Variants in OR2C1 observed in about 807,000 individuals in gnomAD.
OR2C1 encodes the protein olfactory receptor family 2 subfamily C member 1.
For synonymous variants in OR2C1, 209 were observed against 167.3 expected (o/e 1.25, Z -1.92); for missense variants, 468 against 388.3 (o/e 1.21, Z -1.73).
At chr16:3,335,346 C>G in the OR2C1 span, among the ~76,000 whole-genome samples, 4 of 151,930 alleles carry the variant, frequency 2.6e-5, no homozygotes, top group Non-Finnish European at 5.9e-5. Context: ...TGTGTATGCT[C>G]TTCAGTGTCT....
chr16:3,331,328 T>G, the OR2C1 span, among the ~76,000 whole-genome samples: 1 of 151,746 alleles, frequency 6.6e-6, no homozygotes, highest in African/African-American at 2.4e-5. Context: ...TTTCTCCCAT[T>G]TTGTAGGTTG....
chr16:3,338,239 G>C, the OR2C1 span, among the ~76,000 whole-genome samples: 32 of 152,198 alleles, frequency 2.1e-4, no homozygotes, highest in Admixed American at 1.8e-3. Flanking sequence ...GGGAATGGTA[G>C]TTCCACTTAC....
the OR2C1 span, among the ~76,000 whole-genome samples, chr16:3,344,520 G>A: frequency 2.0e-5 from 3 of 152,196 alleles, no homozygotes; most frequent in Non-Finnish European, 4.4e-5. Flanking sequence ...GAGGTCAGGA[G>A]ATCGAGACCA....
chr16:3,338,572 C>G, the OR2C1 span, among the ~76,000 whole-genome samples: 1 of 110,294 alleles, frequency 9.1e-6, no homozygotes, highest in Non-Finnish European at 1.7e-5. Context: ...GAGTCTTGCT[C>G]TGTCGCCCCG....
chr16:3,330,529 A>T, the OR2C1 span, among the ~76,000 whole-genome samples: 1 of 152,206 alleles, frequency 6.6e-6, no homozygotes, highest in Non-Finnish European at 1.5e-5. Context: ...ACCCGCATAG[A>T]TAAAGCCAAA....
At chr16:3,348,435 G>C in the OR2C1 span, among the ~76,000 whole-genome samples, 10 of 152,158 alleles carry the variant, frequency 6.6e-5, no homozygotes, top group Non-Finnish European at 1.3e-4. Flanking sequence ...TTTGCCCTTG[G>C]AGAAATTACT....
At chr16:3,325,399 A>T in the OR2C1 span, among the ~76,000 whole-genome samples, 1 of 149,336 alleles carries the variant, frequency 6.7e-6, no homozygotes, top group African/African-American at 2.5e-5. Context: ...GATTACAAGT[A>T]TGAGCCATCA....
chr16:3,352,315 C>T (rs529221915), upstream of OR2C1, among the ~76,000 whole-genome samples: 1 of 152,206 alleles, frequency 6.6e-6, no homozygotes, highest in African/African-American at 2.4e-5. Flanking sequence ...CGGGGTTTCA[C>T]TTTGTTCGCC....
the OR2C1 span, among the ~76,000 whole-genome samples, chr16:3,339,601 C>T: frequency 1.9e-4 from 29 of 152,144 alleles, no homozygotes; most frequent in Non-Finnish European, 3.2e-4. Flanking sequence ...GGACTACAGA[C>T]GCCCACCACT....
In OR2C1 at chr16:3,356,665, T is replaced by C. The variant is rs770736527; in HGVS notation, c.725T>C (p.Leu242Pro). 1 of 1,614,102 alleles carries C rather than the reference T, an allele frequency of 6.2e-7. No homozygotes were observed. The highest frequency in any genetic ancestry group is 1.1e-5 in the South Asian group (1 of 91,076). ...EGRRKAFNTCLSHLLVVFLFY... is the reference protein window; with the variant it reads ...EGRRKAFNTCPSHLLVVFLFY... ...AGGCGAAAGGCGTTCAATACGTGCCTCTCCCATCTGCTGGTGGTGTTCCTC... is the reference window on the plus strand; with the variant it reads ...AGGCGAAAGGCGTTCAATACGTGCCCCTCCCATCTGCTGGTGGTGTTCCTC... Residue 242 changes from leucine to proline, a missense_variant, in exon 1 of 1, where the codon CTC becomes CCC. Transcript: ENST00000304936.
At chr16:3,335,672 G>A in the OR2C1 span, among the ~76,000 whole-genome samples, 7 of 151,464 alleles carry the variant, frequency 4.6e-5, no homozygotes, top group African/African-American at 1.5e-4. Flanking sequence ...GATTACAGGC[G>A]CCCACCACCA....
In OR2C1 at chr16:3,356,046, T is replaced by C. The variant is rs1219390440; in HGVS notation, c.106T>C (p.Leu36=). 1 of 1,614,024 alleles carries C rather than the reference T, an allele frequency of 6.2e-7. No individual in the cohort carries two copies. Among genetic ancestry groups the C allele is most frequent in the Non-Finnish European group, 8.5e-7 (1 of 1,180,020 alleles). The change falls in exon 1 of 1, where the codon TTG becomes CTG. Residue 36 remains leucine, a synonymous_variant. Coordinates refer to ENST00000304936, the MANE Select transcript of OR2C1 (RefSeq NM_012368.3). ...TTTTATAGCCATCCTCTTCTCCTAT[T>C]TGCTGACCCTACTTGGGAACTCAAC... ...IFFIAILFSY[L]LTLLGNSTII... is the part of the protein sequence containing the mutation.
the OR2C1 span, among the ~76,000 whole-genome samples, chr16:3,335,514 C>T: frequency 7.3e-6 from 1 of 136,410 alleles, no homozygotes; most frequent in Admixed American, 7.8e-5. Context: ...TATATAAATG[C>T]TACTGCTTTT....
chr16:3,323,934 T>C, the OR2C1 span: 1 of 806,744 alleles, frequency 1.2e-6, no homozygotes, highest in Non-Finnish European at 2.0e-6. Context: ...ATCTTTCTAG[T>C]GTTGTAGCTG....
At chr16:3,347,760 A>T in the OR2C1 span, among the ~76,000 whole-genome samples, 1 of 152,160 alleles carries the variant, frequency 6.6e-6, no homozygotes, top group East Asian at 1.9e-4. Flanking sequence ...ACACACGCAC[A>T]CATATGAACA....
the OR2C1 span, among the ~76,000 whole-genome samples, chr16:3,349,417 G>A: frequency 4.6e-5 from 7 of 152,076 alleles, no homozygotes; most frequent in Non-Finnish European, 1.0e-4. Context: ...TTCCAACTGC[G>A]ACCCAGTGCT....
upstream of OR2C1, among the ~76,000 whole-genome samples, chr16:3,352,107 T>A (rs2030581616): frequency 1.3e-5 from 2 of 152,034 alleles, no homozygotes; most frequent in Non-Finnish European, 2.9e-5. Context: ...TATCTGTGTT[T>A]GTTAAATTTA....
At chr16:3,329,651 G>C in the OR2C1 span, among the ~76,000 whole-genome samples, 1 of 149,904 alleles carries the variant, frequency 6.7e-6, no homozygotes, top group Non-Finnish European at 1.5e-5. Flanking sequence ...GGGTTTCACT[G>C]TGTTAGCCAG....
the OR2C1 span, among the ~76,000 whole-genome samples, chr16:3,349,128 C>T: frequency 7.2e-5 from 11 of 152,092 alleles, no homozygotes; most frequent in Admixed American, 1.3e-4. Context: ...CCCTCCCCCA[C>T]GTTGTATAGT....
Sources: gnomAD v4.1 joint callset for allele counts (sites outside exome capture counted in the v4.1 genomes callset) on GRCh38, gnomAD v4.1.1 for gene constraint, MANE v1.5 for transcripts, NCBI Gene and HGNC (gene_info 2026-07-23, HGNC 2026-07-21) for gene names.